The following ARHGAP6 variants were observed in gnomAD, a reference collection of about 807,000 sequenced individuals.
ARHGAP6 encodes the protein Rho GTPase activating protein 6, also known as rho GTPase-activating protein 6.
In ARHGAP6, 16 loss-of-function variants were observed where a neutral mutation model predicts 55.7. The ratio of observed to expected loss-of-function variants is 0.29; its 90% CI spans 0.19 to 0.44. ARHGAP6 has a LOEUF of 0.44. Ranked by LOEUF, ARHGAP6 falls within the 20% of genes least tolerant of loss-of-function variation. The probability of loss-of-function intolerance (pLI) is 1.00; values close to 1 mark genes in which losing one functional copy is unlikely to be tolerated. For synonymous variants in ARHGAP6, 382 were observed against 360.9 expected (o/e 1.06, Z -0.66); for missense variants, 698 against 808.9 (o/e 0.86, Z 1.66).
chrX:11,325,049 G>A (rs568823217), intron 1 of ARHGAP6, among the ~76,000 whole-genome samples: 5 of 111,418 alleles, frequency 4.5e-5, no homozygotes, highest in South Asian at 7.7e-4. Context: ...TAGTAGAGAC[G>A]GGGTTTCACC....
chrX:11,439,943 T>C (rs1295116403), intron 1 of ARHGAP6, among the ~76,000 whole-genome samples: 1 of 112,787 alleles, frequency 8.9e-6, no homozygotes, highest in African/African-American at 3.2e-5. Flanking sequence ...TCTCACTAAT[T>C]AGTGTTTCCT....
intron 1 of ARHGAP6, among the ~76,000 whole-genome samples, chrX:11,258,580 A>G (rs1044831038): frequency 1.8e-5 from 2 of 111,976 alleles, no homozygotes; most frequent in East Asian, 2.8e-4. Context: ...CTCAATTAAA[A>G]CAGTTCCAAC....
chrX:11,398,571 G>T (rs1378586373), intron 1 of ARHGAP6, among the ~76,000 whole-genome samples: 1 of 111,600 alleles, frequency 9.0e-6, no homozygotes, highest in Non-Finnish European at 1.9e-5. Flanking sequence ...ACCTGCTTTG[G>T]CATGGCTGGC....
chrX:11,627,635 C>T (rs1401108285), intron 1 of ARHGAP6, among the ~76,000 whole-genome samples: 1 of 111,246 alleles, frequency 9.0e-6, no homozygotes, highest in Non-Finnish European at 1.9e-5. Context: ...ATTAGGAACC[C>T]ACATCTGGCT....
intron 1 of ARHGAP6, among the ~76,000 whole-genome samples, chrX:11,309,906 T>A (rs191558015): frequency 2.1e-4 from 23 of 111,146 alleles, no homozygotes; most frequent in African/African-American, 7.2e-4. Context: ...AATCCCAGCA[T>A]TTTGAGAGGC....
At chrX:11,438,917 A>C (rs192012154) in intron 1 of ARHGAP6, among the ~76,000 whole-genome samples, 5 of 112,637 alleles carry the variant, frequency 4.4e-5, no homozygotes, top group African/African-American at 1.6e-4. Flanking sequence ...TGTATCTCTG[A>C]AAGTGCACGA....
At position 11,186,288 on chromosome X, in the gene ARHGAP6, G is replaced by A; in HGVS notation, c.1221C>T (p.Tyr407=). Residue 407 remains tyrosine, a synonymous_variant, in exon 5 of 13, where the codon TAC becomes TAT. Coordinates refer to ENST00000337414, the MANE Select transcript of ARHGAP6 (RefSeq NM_013427.3). ...RDKKLSLNPI[Y]RQVPRLVDSC... ...TGTCCACCAGCCTAGGGACCTGTCTGTAAATAGGATTCAGACTGAGTTTCT... is the reference window on the plus strand; with the variant it reads ...TGTCCACCAGCCTAGGGACCTGTCTATAAATAGGATTCAGACTGAGTTTCT... 4 of 1,211,682 alleles carry A rather than the reference G, an allele frequency of 3.3e-6. No individual in the cohort carries two copies. Among genetic ancestry groups the A allele is most frequent in the Non-Finnish European group, 4.5e-6 (4 of 895,418 alleles).
chrX:11,422,834 A>AT (rs2049837813), intron 1 of ARHGAP6, among the ~76,000 whole-genome samples: 1 of 112,352 alleles, frequency 8.9e-6, no homozygotes, highest in Non-Finnish European at 1.9e-5. Context: ...CAGGAATCTG[A>AT]TTTTTTATCA....
intron 1 of ARHGAP6, among the ~76,000 whole-genome samples, chrX:11,312,070 A>C (rs1266859936): frequency 1.8e-5 from 2 of 112,147 alleles, no homozygotes; most frequent in Non-Finnish European, 3.8e-5. Context: ...TTTAAATGTC[A>C]ATTTAAATAC....
chrX:11,376,597 C>T (rs1038021955), intron 1 of ARHGAP6, among the ~76,000 whole-genome samples: 2 of 112,981 alleles, frequency 1.8e-5, no homozygotes, highest in Admixed American at 9.3e-5. Context: ...GTCTACAGAA[C>T]TAGAATATAA....
chrX:11,539,187 A>G (rs1472780671), intron 1 of ARHGAP6, among the ~76,000 whole-genome samples: 1 of 111,300 alleles, frequency 9.0e-6, no homozygotes. Context: ...GTTCAACAGC[A>G]TCCCTGGCCT....
At chrX:11,440,440 T>G (rs928136026) in intron 1 of ARHGAP6, among the ~76,000 whole-genome samples, 2 of 112,233 alleles carry the variant, frequency 1.8e-5, no homozygotes, top group Non-Finnish European at 3.8e-5. Flanking sequence ...AGGTCACACA[T>G]TGAATGTGAT....
intron 6 of ARHGAP6, among the ~76,000 whole-genome samples, 165 bp downstream of exon 6, chrX:11,181,898 G>C (rs188543253): frequency 3.7e-5 from 4 of 108,854 alleles, no homozygotes; most frequent in African/African-American, 1.3e-4. Flanking sequence ...ACATTTCTGA[G>C]TTGTTGCCTT....
rs770488453 is a variant in ARHGAP6, at chrX:11,590,070, G to GA, written c.588+74170dup. 4.5e-5 allele frequency among the ~76,000 whole-genome samples: 5 copies of GA among 111,315 alleles called. 1 individual carries two copies. Among genetic ancestry groups the GA allele is most frequent in the Non-Finnish European group, 9.4e-5 (5 of 53,096 alleles). On this transcript the variant is annotated intron_variant, in intron 1 of 12. Transcript: ENST00000337414. Reference sequence around the variant, plus strand: ...CAGGGTGAAGAGAGGGAGAATAAGGGAAAACACAACTTATACTGGCTCTCT... The same window carrying GA: ...CAGGGTGAAGAGAGGGAGAATAAGGGAAAAACACAACTTATACTGGCTCTCT...
chrX:11,365,260 T>G (rs1049272323), intron 1 of ARHGAP6, among the ~76,000 whole-genome samples: 1 of 111,947 alleles, frequency 8.9e-6, no homozygotes, highest in Non-Finnish European at 1.9e-5. Context: ...CATCCTGACA[T>G]TCTGTATGGT....
chrX:11,504,018 A>G, intron 1 of ARHGAP6, among the ~76,000 whole-genome samples: 1 of 111,131 alleles, frequency 9.0e-6, no homozygotes, highest in Non-Finnish European at 1.9e-5. Flanking sequence ...AGGAAAAAAA[A>G]GTGGTCTTGG....
chrX:11,636,671 G>A (rs1395645572), intron 1 of ARHGAP6, among the ~76,000 whole-genome samples: 1 of 111,735 alleles, frequency 8.9e-6, no homozygotes, highest in Admixed American at 9.5e-5. Context: ...CAGAGTGTAA[G>A]GCTCACAGAA....
At chrX:11,434,960 G>C (rs1457787768) in intron 1 of ARHGAP6, among the ~76,000 whole-genome samples, 2 of 112,028 alleles carry the variant, frequency 1.8e-5, no homozygotes, top group South Asian at 7.5e-4. Flanking sequence ...ACTGCTCCAA[G>C]CCTAATTTCT....
intron 1 of ARHGAP6, among the ~76,000 whole-genome samples, chrX:11,361,556 A>C (rs2049011467): frequency 9.1e-6 from 1 of 110,356 alleles, no homozygotes; most frequent in African/African-American, 3.3e-5. Context: ...AAACCCTAGA[A>C]GAAAACCTAG....
Sources: gnomAD v4.1 joint callset for allele counts (sites outside exome capture counted in the v4.1 genomes callset) on GRCh38, gnomAD v4.1.1 for gene constraint, MANE v1.5 for transcripts, NCBI Gene and HGNC (gene_info 2026-07-23, HGNC 2026-07-21) for gene names.